Variants in TMEM132A observed in about 807,000 individuals in gnomAD.
TMEM132A encodes GRP78-binding protein.
A neutral mutation model predicts 69.9 loss-of-function variants in TMEM132A; 48 were observed. The ratio of observed to expected loss-of-function variants is 0.69; its 90% CI spans 0.55 to 0.87. The LOEUF (loss-of-function observed/expected upper bound fraction) is 0.87. Among genes scored for constraint, TMEM132A ranks in the 40% least tolerant of loss-of-function variants. The probability of loss-of-function intolerance (pLI) is 0.00; values close to 1 mark genes in which losing one functional copy is unlikely to be tolerated. For missense variants in TMEM132A, 1,287 were observed against 1,407.2 expected (o/e 0.91, Z 1.37); for synonymous variants, 577 against 613.7 (o/e 0.94, Z 0.88).
In TMEM132A at chr11:60,936,954, G is replaced by A. The variant is rs1590633250; in HGVS notation, c.*47G>A. 2.0e-6 allele frequency: 3 copies of A among 1,468,632 alleles called. No individual in the cohort carries two copies. The highest frequency in any genetic ancestry group is 2.7e-6 in the Non-Finnish European group (3 of 1,102,588). The allele number at this position is 1,468,632 out of a possible 1,614,324, so 91.0% of individuals were successfully genotyped here. A position where few individuals can be genotyped will look rare whatever the true frequency, so the allele number is the denominator to read the frequency against. ...GCCACCAGCTGGGGCAACGAGGGTG[G>A]AGGTCCCACTGAGCCTCTCGCCTGC... On this transcript the variant is annotated 3_prime_UTR_variant, in exon 11 of 11. Coordinates refer to ENST00000453848, the MANE Select transcript of TMEM132A (RefSeq NM_178031.3).
intron 5 of TMEM132A, 42 bp downstream of exon 5, chr11:60,930,701 C>T: frequency 1.3e-6 from 2 of 1,571,694 alleles, no homozygotes; most frequent in Non-Finnish European, 1.7e-6. Flanking sequence ...GGAGGGAGGG[C>T]TGGTTATAGA....
In TMEM132A at chr11:60,930,630, C is replaced by T; in HGVS notation, c.987C>T (p.His329=). 1.2e-6 allele frequency: 2 copies of T among 1,612,386 alleles called. No individual in the cohort carries two copies. The highest frequency in any genetic ancestry group is 1.7e-6 in the Non-Finnish European group (2 of 1,179,342). The change falls in exon 5 of 11, where the codon CAC becomes CAT. Residue 329 remains histidine (H), a synonymous_variant. Coordinates refer to ENST00000453848, the MANE Select transcript of TMEM132A (RefSeq NM_178031.3). ...SRHHTTLITC[H]RAGLTEPDSS... ...ACCACACCACCCTCATCACCTGCCACCGTGCTGGGCTCACAGAGCCAGATT... is the reference window on the plus strand; with the variant it reads ...ACCACACCACCCTCATCACCTGCCATCGTGCTGGGCTCACAGAGCCAGATT...
chr11:60,934,862 G>A, intron 9 of TMEM132A, 98 bp downstream of exon 9: 1 of 1,306,722 alleles, frequency 7.7e-7, no homozygotes, highest in Non-Finnish European at 1.0e-6. Context: ...CAGGAGCCCA[G>A]AGTGTGTGGG....
chr11:60,924,697 T>C lies in TMEM132A; in HGVS notation c.64T>C (p.Cys22Arg). ...TCGGGGGCCCTACGGCCCCTGGCTCTGCCTCCTGGTGGCCCTCGCCCTGGA... is the reference window on the plus strand; with the variant it reads ...TCGGGGGCCCTACGGCCCCTGGCTCCGCCTCCTGGTGGCCCTCGCCCTGGA... ...APRGPYGPWLCLLVALALDVV... is the reference protein window; with the variant it reads ...APRGPYGPWLRLLVALALDVV... Residue 22 changes from cysteine (C) to arginine (R), a missense_variant, in exon 1 of 11, where the codon TGC (cysteine) becomes CGC (arginine). By Grantham distance (180) the Cys-to-Arg change is radical. Transcript: ENST00000453848. The C allele has an allele frequency of 6.3e-7, 1 of 1,589,648 alleles. No individual in the cohort carries two copies. The highest frequency in any genetic ancestry group is 1.4e-5 in the African/African-American group (1 of 73,946).
chr11:60,929,873 C>T (rs753722820), intron 4 of TMEM132A, among the ~76,000 whole-genome samples: 17 of 142,302 alleles, frequency 1.2e-4, no homozygotes, highest in Non-Finnish European at 2.1e-4. Flanking sequence ...CAAACACGAG[C>T]AAGGGCCAGT....
Position 60,935,892 on chromosome 11 carries a change from T to TCTCTGATCA in TMEM132A, c.2059_2067dup (p.Ser687_His689dup). ...GTGGCCCTCTCCCTATGGCTGTCCT[T>TCTCTGATCA]CTCTGATCACACTGTGGCCCCAGCT... On this transcript the variant is annotated inframe_insertion, in exon 11 of 11. Transcript: ENST00000453848. This position sits in a 1 kb window ranked among gnomAD's most constrained non-coding sequence, Gnocchi z 5.0. 6.2e-7 allele frequency: 1 copy of TCTCTGATCA among 1,612,008 alleles called. No homozygotes were observed. Among genetic ancestry groups the TCTCTGATCA allele is most frequent in the East Asian group, 2.2e-5 (1 of 44,872 alleles).
chr11:60,927,367 C>CCTG lies in TMEM132A; in HGVS notation c.264_265insCTG (p.Pro88_Arg89insLeu). The CCTG allele has an allele frequency of 6.2e-7, 1 of 1,613,338 alleles. No individual in the cohort carries two copies. The highest frequency in any genetic ancestry group is 8.5e-7 in the Non-Finnish European group (1 of 1,179,988). ...CCTTTCTGCTCCTACAGCCCTGGCCCAGGGCCCAGCCACTTCTCCGGGCCT... is the reference window on the plus strand; with the variant it reads ...CCTTTCTGCTCCTACAGCCCTGGCCCCTGAGGGCCCAGCCACTTCTCCGGGCCT... On this transcript the variant is annotated inframe_insertion, in exon 2 of 11. Transcript: ENST00000453848.
In TMEM132A at chr11:60,936,514, C is replaced by T; in HGVS notation, c.2679C>T (p.His893=). The T allele has an allele frequency of 1.2e-6, 2 of 1,614,006 alleles. No individual in the cohort carries two copies. Among genetic ancestry groups the T allele is most frequent in the Non-Finnish European group, 1.7e-6 (2 of 1,180,014 alleles). The change falls in exon 11 of 11, where the codon CAC becomes CAT. Residue 893 remains histidine (H), a synonymous_variant. Transcript: ENST00000453848. ...CTGACCCCACCTCCCCCCAGCCCCA[C>T]AACTGGGTCTGGCTGGGCACTGACC... is the stretch of plus-strand genomic sequence containing the variant. ...SATDPTSPQP[H]NWVWLGTDQE...
At chr11:60,930,117 C>T (rs1162162424) in intron 4 of TMEM132A, among the ~76,000 whole-genome samples, 1 of 152,202 alleles carries the variant, frequency 6.6e-6, no homozygotes, top group African/African-American at 2.4e-5. Context: ...TAAGAAAGGG[C>T]AGAGCAGGCT....
At chr11:60,934,086 T>C (rs1181703699) in intron 8 of TMEM132A, 1 of 397,002 alleles carries the variant, frequency 2.5e-6, no homozygotes, top group Non-Finnish European at 4.5e-6. Flanking sequence ...ATGCTGGTCG[T>C]ACCCTCAGAG....
chr11:60,933,814 A>T, intron 8 of TMEM132A, 70 bp downstream of exon 8: 1 of 1,404,188 alleles, frequency 7.1e-7, no homozygotes, highest in South Asian at 1.4e-5. Flanking sequence ...CGCAGGGGAC[A>T]CAGCCATGGG....
Position 60,935,743 on chromosome 11 carries a change from T to C in TMEM132A, c.2029-121T>C. 1 of 1,195,574 alleles carries C rather than the reference T, an allele frequency of 8.4e-7. No individual in the cohort carries two copies. The highest frequency in any genetic ancestry group is 1.2e-6 in the Non-Finnish European group (1 of 844,906). The allele number at this position is 1,195,574 out of a possible 1,614,324, so 74.1% of individuals were successfully genotyped here. A position where few individuals can be genotyped will look rare whatever the true frequency, so the allele number is the denominator to read the frequency against. On this transcript the variant is annotated intron_variant, in intron 10 of 10. Transcript: ENST00000453848. The surrounding 1 kb of genome is among the most constrained non-coding windows in gnomAD (Gnocchi z 5.0). ...CCTCTCTCCCTGTGTTTTGTCTATC[T>C]GCCTGTGTCTCTGTTTTCTCTCTGG...
chr11:60,934,797 CT>C (rs1856553996), intron 9 of TMEM132A, 33 bp downstream of exon 9: 2 of 1,562,378 alleles, frequency 1.3e-6, no homozygotes, highest in African/African-American at 2.7e-5. Context: ...AGTAGACCCC[CT>C]GAGAAGGGTG....
Position 60,933,309 on chromosome 11 carries a change from A to T in TMEM132A, c.1357-233A>T, listed in dbSNP as rs1466564056. ...GGGATCCTCCCACCTCAGCCTCCCC[A>T]GTAGCTAGGACTACAGGCATGTGCC... On this transcript the variant is annotated intron_variant, in intron 7 of 10. Coordinates refer to ENST00000453848, the MANE Select transcript of TMEM132A (RefSeq NM_178031.3). 7.3e-6 allele frequency: 4 copies of T among 547,706 alleles called. No homozygotes were observed. The African/African-American group carries it at 7.6e-5, about 10-fold the overall frequency. The allele number at this position is 547,706 out of a possible 1,614,324, so 33.9% of individuals were successfully genotyped here. A position where few individuals can be genotyped will look rare whatever the true frequency, so the allele number is the denominator to read the frequency against.
chr11:60,929,980 G>A (rs1442392716), intron 4 of TMEM132A, among the ~76,000 whole-genome samples: 2 of 152,238 alleles, frequency 1.3e-5, no homozygotes, highest in Non-Finnish European at 1.5e-5. Context: ...ACTGAGGGAG[G>A]TTCAAAGTGC....
chr11:60,934,373 A>T, intron 8 of TMEM132A, 115 bp from the exon 9 acceptor site: 1 of 959,560 alleles, frequency 1.0e-6, no homozygotes, highest in Non-Finnish European at 1.4e-6. Flanking sequence ...GAGAAACAGG[A>T]GCTGCTGGTG....
intron 8 of TMEM132A, 189 bp downstream of exon 8, chr11:60,933,933 C>T: frequency 5.0e-6 from 3 of 596,304 alleles, no homozygotes; most frequent in Non-Finnish European, 5.9e-6. Flanking sequence ...CTGACTTCCG[C>T]ATCCCTCTCC....
Position 60,936,007 on chromosome 11 carries a change from C to T in TMEM132A, c.2172C>T (p.Leu724=), listed in dbSNP as rs373238293. 1.0e-5 allele frequency: 16 copies of T among 1,607,502 alleles called. No individual in the cohort carries two copies. The highest frequency in any genetic ancestry group is 2.2e-5 in the South Asian group (2 of 90,698). ...CAGCTGAGGAGCAGGGTGCCCAGCTCGGGGTGGTGGTGAGTGGGGCAGGCG... is the reference window on the plus strand; with the variant it reads ...CAGCTGAGGAGCAGGGTGCCCAGCTTGGGGTGGTGGTGAGTGGGGCAGGCG... ...ILPAEEQGAQ[L]GVVVSGAGAE... is the part of the protein sequence containing the mutation. Residue 724 remains leucine, a synonymous_variant, in exon 11 of 11, where the codon CTC becomes CTT. Coordinates refer to ENST00000453848, the MANE Select transcript of TMEM132A (RefSeq NM_178031.3).
rs555622 is a variant in TMEM132A at position 60,934,874 on chromosome 11, G to T, written c.1836+110G>T. ...TGCCAGGAGCCCAGAGTGTGTGGGG[G>T]AGTTGTGCGGTCTAGGTCTGAGTGC... is the stretch of plus-strand genomic sequence containing the variant. On this transcript the variant is annotated intron_variant, in intron 9 of 10. Coordinates refer to ENST00000453848, the MANE Select transcript of TMEM132A (RefSeq NM_178031.3). The T allele has an allele frequency of 0.43, 510,330 of 1,199,246 alleles. 109,646 individuals are homozygous for T. The highest frequency in any genetic ancestry group is 0.48 in the Middle Eastern group (2,047 of 4,266). The allele number at this position is 1,199,246 out of a possible 1,614,324, so 74.3% of individuals were successfully genotyped here. A position where few individuals can be genotyped will look rare whatever the true frequency, so the allele number is the denominator to read the frequency against.
Sources: gnomAD v4.1 joint callset for allele counts (sites outside exome capture counted in the v4.1 genomes callset) on GRCh38, gnomAD v4.1.1 for gene constraint, Gnocchi (gnomAD v3.1) non-coding constraint, MANE v1.5 for transcripts, NCBI Gene and HGNC (gene_info 2026-07-23, HGNC 2026-07-21) for gene names.